Variants in ABCB5 observed in about 807,000 individuals in gnomAD.
The protein encoded by ABCB5 is ATP-binding cassette sub-family B member 5.
ABCB5 carries 155 observed loss-of-function variants against 144.2 expected under a neutral mutation model. The observed-to-expected ratio is 1.08, with a 90% CI of 0.94 to 1.23. The LOEUF is 1.23. Among genes scored for constraint, ABCB5 ranks in the 50% most tolerant of loss-of-function variants. The pLI, the probability that ABCB5 is intolerant of heterozygous loss-of-function variation, is 0.00. For missense variants in ABCB5, 1,830 were observed against 1,520.8 expected, an observed-to-expected ratio of 1.20 and a Z score of -3.38; for synonymous variants, 610 against 528.6, an observed-to-expected ratio of 1.15 and a Z score of -2.11.
chr7:20,650,056 G>C lies in ABCB5; in HGVS notation c.1241G>C (p.Gly414Ala), dbSNP rs200959567. The stretch of plus-strand genomic sequence containing the variant: ...GGTCTGAATCTCAGAATTAAGTCTG[G>C]AGAGACAGTCGCCTTGGTCGGTCTC... ...LKGLNLRIKS[G>A]ETVALVGLNG... The change falls in exon 12 of 28, where the codon GGA becomes GCA. Residue 414 changes from glycine to alanine, a missense_variant. Coordinates refer to ENST00000404938, the MANE Select transcript of ABCB5 (RefSeq NM_001163941.2). 266 of 1,613,344 alleles carry C rather than the reference G, an allele frequency of 1.6e-4. 1 individual carries two copies. Among genetic ancestry groups the C allele is most frequent in the South Asian group, 4.0e-4 (36 of 91,028 alleles).
chr7:20,659,217 A>T, intron 14 of ABCB5: 1 of 1,590,048 alleles, frequency 6.3e-7, no homozygotes, highest in Non-Finnish European at 8.6e-7. Context: ...GGCCATATGC[A>T]GTTGTGGCCC....
At chr7:20,638,146 T>C (rs1784206119) in intron 5 of ABCB5, among the ~76,000 whole-genome samples, 1 of 152,158 alleles carries the variant, frequency 6.6e-6, no homozygotes. Flanking sequence ...TCTATAAAAT[T>C]ATTTAAATTA....
intron 27 of ABCB5, among the ~76,000 whole-genome samples, chr7:20,754,317 T>G (rs574583598): frequency 5.3e-5 from 8 of 152,232 alleles, no homozygotes; most frequent in Non-Finnish European, 1.2e-4. Flanking sequence ...TTATTCTTGA[T>G]TCTCAAAGCA....
chr7:20,667,178 A>T, intron 14 of ABCB5: 1 of 886,004 alleles, frequency 1.1e-6, no homozygotes, highest in Non-Finnish European at 1.4e-6. Context: ...CTCAGATACA[A>T]ATTCATGCTA....
chr7:20,753,426 A>T lies in ABCB5; in HGVS notation c.3496A>T (p.Ile1166Phe). The T allele has an allele frequency of 6.2e-7, 1 of 1,614,160 alleles. No individual in the cohort carries two copies. The highest frequency in any genetic ancestry group is 8.5e-7 in the Non-Finnish European group (1 of 1,180,008). ...TGGCGGCCAGAAACAAAGACTAGCT[A>T]TTGCAAGGGCTCTTCTCCAAAAACC... ...LSGGQKQRLA[I>F]ARALLQKPKI... is the part of the protein sequence containing the mutation. Residue 1166 changes from isoleucine to phenylalanine, a missense_variant, in exon 27 of 28, where the codon ATT becomes TTT. By Grantham distance (21) the Ile-to-Phe change is conservative. Transcript: ENST00000404938.
chr7:20,650,284 C>A, intron 12 of ABCB5, 137 bp downstream of exon 12: 1 of 1,161,396 alleles, frequency 8.6e-7, no homozygotes, highest in Non-Finnish European at 1.2e-6. Flanking sequence ...CCTTTGTATC[C>A]ATTCACTCAG....
intron 18 of ABCB5, 41 bp from the exon 19 acceptor site, chr7:20,700,017 C>G (rs373039985): frequency 6.2e-7 from 1 of 1,604,312 alleles, no homozygotes; most frequent in Non-Finnish European, 8.5e-7. Context: ...CTAAATGTTA[C>G]AAAGGAAAAG....
At chr7:20,686,316 C>A (rs553648016) in intron 16 of ABCB5, among the ~76,000 whole-genome samples, 79 of 152,226 alleles carry the variant, frequency 5.2e-4, no homozygotes, top group African/African-American at 1.9e-3. Context: ...GCTTACTGTG[C>A]CCACTCCTAC....
At chr7:20,661,278 T>C (rs1272612372) in intron 14 of ABCB5, among the ~76,000 whole-genome samples, 2 of 152,236 alleles carry the variant, frequency 1.3e-5, no homozygotes, top group Admixed American at 6.5e-5. Context: ...TGCCTGCTTC[T>C]TAAACATACC....
intron 20 of ABCB5, among the ~76,000 whole-genome samples, chr7:20,710,178 C>G (rs981406210): frequency 1.3e-5 from 2 of 148,182 alleles, no homozygotes; most frequent in South Asian, 4.4e-4. Context: ...AGTTCAAGAC[C>G]AGCCTGGCCA....
At position 20,727,554 on chromosome 7, in the gene ABCB5, A is replaced by T. The variant is rs138571953; in HGVS notation, c.2726+414A>T. 2.0e-3 allele frequency among the ~76,000 whole-genome samples: 302 copies of T among 152,222 alleles called. 2 individuals carry two copies. The highest frequency in any genetic ancestry group is 3.7e-3 in the Non-Finnish European group (250 of 67,996). The stretch of plus-strand genomic sequence containing the variant: ...GTTAGAGACCAGCCTGGACAACATG[A>T]TGAAACCCCATCTCTACTAAAAATG... On this transcript the variant is annotated intron_variant, in intron 22 of 27. Transcript: ENST00000404938.
At chr7:20,666,752 T>C in intron 14 of ABCB5, 2 of 1,598,822 alleles carry the variant, frequency 1.3e-6, no homozygotes, top group Non-Finnish European at 8.5e-7. Context: ...AATATTGTAT[T>C]TTCTAGAAAA....
chr7:20,729,615 A>G (rs1782145049), intron 23 of ABCB5, among the ~76,000 whole-genome samples: 1 of 152,240 alleles, frequency 6.6e-6, no homozygotes, highest in Non-Finnish European at 1.5e-5. Context: ...TTGAGTATTA[A>G]TTCTGAGCTG....
intron 27 of ABCB5, 85 bp downstream of exon 27, chr7:20,753,591 A>G: frequency 8.2e-6 from 12 of 1,456,594 alleles, no homozygotes; most frequent in Non-Finnish European, 1.1e-5. Context: ...AGTTTGGAAA[A>G]ACAAAGGCCT....
intron 20 of ABCB5, among the ~76,000 whole-genome samples, chr7:20,717,435 CT>C (rs1374043539): frequency 7.0e-6 from 1 of 143,486 alleles, no homozygotes; most frequent in Admixed American, 7.0e-5. Flanking sequence ...TCCAGATTTC[CT>C]CTTTTTTTTT....
rs1786571939 is a variant in ABCB5, at chr7:20,700,194, G to C, written c.2337+59G>C. On this transcript the variant is annotated intron_variant, in intron 19 of 27. Transcript: ENST00000404938. Reference sequence around the variant, plus strand: ...TTAAAATTTATTGTAAAACATTCTAGCTTTAATTCTGTCTCAAGTCAATTT... The same window carrying C: ...TTAAAATTTATTGTAAAACATTCTACCTTTAATTCTGTCTCAAGTCAATTT... The C allele has an allele frequency of 4.3e-6, 6 of 1,380,780 alleles. No homozygotes were observed. In the Admixed American group the frequency reaches 8.4e-5, roughly 19 times the overall value. The allele number at this position is 1,380,780 out of a possible 1,614,324, so 85.5% of individuals were successfully genotyped here.
chr7:20,742,322 C>T (rs759320947), intron 24 of ABCB5, among the ~76,000 whole-genome samples: 8 of 151,722 alleles, frequency 5.3e-5, no homozygotes, highest in African/African-American at 1.5e-4. Flanking sequence ...TGCAGTGAGC[C>T]GAGATCACAC....
intron 19 of ABCB5, among the ~76,000 whole-genome samples, chr7:20,704,058 T>C (rs923466343): frequency 6.7e-6 from 1 of 149,632 alleles, no homozygotes; most frequent in Admixed American, 6.7e-5. Context: ...TTCTAAATTG[T>C]GTTGTTTATT....
At chr7:20,736,215 T>C (rs2128053579) in intron 23 of ABCB5, among the ~76,000 whole-genome samples, 1 of 152,180 alleles carries the variant, frequency 6.6e-6, no homozygotes, top group East Asian at 1.9e-4. Flanking sequence ...TCTTTTTTGT[T>C]GTTGTTGTTG....
Sources: allele counts gnomAD v4.1 joint callset (sites outside exome capture counted in the v4.1 genomes callset), GRCh38; gene constraint gnomAD v4.1.1; transcripts MANE v1.5; gene names NCBI Gene and HGNC (gene_info 2026-07-23, HGNC 2026-07-21).